The following PTPRD variants were observed in gnomAD, a reference collection of about 807,000 sequenced individuals.
The protein encoded by PTPRD is receptor-type tyrosine-protein phosphatase delta.
In PTPRD, 34 loss-of-function variants were observed where a neutral mutation model predicts 214.5. That is an observed-to-expected ratio of 0.16 (90% CI 0.12 to 0.21). PTPRD has a LOEUF of 0.21. PTPRD is among the 10% of genes least tolerant of loss of function. The probability of loss-of-function intolerance (pLI) is 1.00; values close to 1 mark genes in which losing one functional copy is unlikely to be tolerated. For synonymous variants in PTPRD, 1,128 were observed against 845.7 expected (o/e 1.33, Z -5.79); for missense variants, 2,545 against 2,398.7 (o/e 1.06, Z -1.27).
intron 11 of PTPRD, among the ~76,000 whole-genome samples, chr9:8,755,992 A>G (rs2093959926): frequency 6.6e-6 from 1 of 152,240 alleles, no homozygotes; most frequent in Admixed American, 6.5e-5. Context: ...GATAAACATT[A>G]GTATGTGTGT....
rs548283325 is a variant in PTPRD, at chr9:10,513,534, T to C, written c.-600+98864A>G. On this transcript the variant is annotated intron_variant, in intron 2 of 45. Transcript: ENST00000381196. ...AGGAAATAAGGAACAGGTAGATAAG[T>C]TAGTCATTAGAGCTGGTTACCAAAT... is the stretch of plus-strand genomic sequence containing the variant. 2.0e-5 allele frequency among the ~76,000 whole-genome samples: 3 copies of C among 152,238 alleles called. No individual in the cohort carries two copies. The East Asian group carries it at 5.8e-4, about 29-fold the overall frequency.
chr9:8,559,066 T>C (rs973267885), intron 14 of PTPRD, among the ~76,000 whole-genome samples: 2 of 152,180 alleles, frequency 1.3e-5, no homozygotes, highest in African/African-American at 4.8e-5. Context: ...TTCTATCTCT[T>C]TTATGCCAAA....
intron 2 of PTPRD, among the ~76,000 whole-genome samples, chr9:10,512,308 G>A (rs191451548): frequency 3.9e-5 from 6 of 152,092 alleles, no homozygotes; most frequent in Admixed American, 3.3e-4. Context: ...GTGTGACTAT[G>A]TGAGTAGAAG....
chr9:8,393,456 C>T (rs779181942), intron 36 of PTPRD, among the ~76,000 whole-genome samples: 7 of 151,964 alleles, frequency 4.6e-5, no homozygotes, highest in South Asian at 2.1e-4. Flanking sequence ...TTTTGGTTGG[C>T]GAAGGAGCTA....
chr9:10,598,221 G>T (rs7357685), intron 2 of PTPRD, among the ~76,000 whole-genome samples: 8 of 151,594 alleles, frequency 5.3e-5, no homozygotes, highest in Non-Finnish European at 8.8e-5. Context: ...ATATTACTCC[G>T]AACTTGAACA....
intron 14 of PTPRD, among the ~76,000 whole-genome samples, chr9:8,598,141 A>G (rs181612679): frequency 6.6e-6 from 1 of 152,156 alleles, no homozygotes; most frequent in Non-Finnish European, 1.5e-5. Flanking sequence ...CTGGATCATG[A>G]TTAGACTTTC....
At chr9:8,982,383 G>C (rs1384655830) in intron 11 of PTPRD, among the ~76,000 whole-genome samples, 2 of 151,848 alleles carry the variant, frequency 1.3e-5, no homozygotes, top group African/African-American at 2.4e-5. Flanking sequence ...CATAAGGGAA[G>C]TCTTTCTCTC....
chr9:9,550,935 T>C (rs963348738), intron 8 of PTPRD, among the ~76,000 whole-genome samples: 2 of 151,940 alleles, frequency 1.3e-5, no homozygotes, highest in Admixed American at 6.6e-5. Flanking sequence ...TAAAAATTAA[T>C]GATATCACCA....
chr9:10,364,991 C>T (rs892056802), intron 2 of PTPRD, among the ~76,000 whole-genome samples: 1 of 152,152 alleles, frequency 6.6e-6, no homozygotes, highest in African/African-American at 2.4e-5. Flanking sequence ...ATATTACCAC[C>T]TGCTCATTAA....
At chr9:9,486,897 T>G (rs181065729) in intron 8 of PTPRD, among the ~76,000 whole-genome samples, 1 of 152,316 alleles carries the variant, frequency 6.6e-6, no homozygotes, top group Non-Finnish European at 1.5e-5. Flanking sequence ...GCCTGCTTTC[T>G]TTTACCAGAC....
intron 10 of PTPRD, among the ~76,000 whole-genome samples, chr9:9,020,813 C>A (rs1339579266): frequency 6.6e-6 from 1 of 152,080 alleles, no homozygotes; most frequent in Non-Finnish European, 1.5e-5. Context: ...AAGCAAAGGT[C>A]ATTGAATGAG....
chr9:9,856,623 A>AC (rs2061604183), intron 5 of PTPRD, among the ~76,000 whole-genome samples: 1 of 144,776 alleles, frequency 6.9e-6, no homozygotes, highest in Non-Finnish European at 1.5e-5. Flanking sequence ...GTTAAAAAAA[A>AC]AGAAGAAAAT....
chr9:9,257,658 G>C (rs561745062), intron 9 of PTPRD, among the ~76,000 whole-genome samples: 2 of 151,768 alleles, frequency 1.3e-5, no homozygotes, highest in Admixed American at 6.6e-5. Context: ...ACGTAATCAG[G>C]CATGATAATG....
At chr9:10,609,929 G>A (rs1444069623) in intron 2 of PTPRD, among the ~76,000 whole-genome samples, 1 of 152,070 alleles carries the variant, frequency 6.6e-6, no homozygotes, top group African/African-American at 2.4e-5. Flanking sequence ...AACAGCAACT[G>A]AAAGCAAATG....
intron 2 of PTPRD, among the ~76,000 whole-genome samples, chr9:10,603,764 T>C (rs761728975): frequency 1.1e-4 from 17 of 151,812 alleles, no homozygotes; most frequent in African/African-American, 2.4e-4. Context: ...AGGCAGTATA[T>C]AAGAGATAAA....
At chr9:9,196,424 T>C (rs1315732481) in intron 9 of PTPRD, among the ~76,000 whole-genome samples, 2 of 152,176 alleles carry the variant, frequency 1.3e-5, no homozygotes, top group Non-Finnish European at 2.9e-5. Flanking sequence ...GATATACCTT[T>C]TAATTTAATG....
At chr9:9,212,944 T>C (rs1236554058) in intron 9 of PTPRD, among the ~76,000 whole-genome samples, 1 of 152,206 alleles carries the variant, frequency 6.6e-6, no homozygotes, top group South Asian at 2.1e-4. Flanking sequence ...ACTTATGGAA[T>C]TAGCCTAGAG....
rs12236648 is a variant in PTPRD at position 9,602,426 on chromosome 9, G to C, written c.-286-27645C>G. Among the ~76,000 whole-genome samples the C allele has an allele frequency of 1.4e-4, 21 of 151,718 alleles. No individual in the cohort carries two copies. In the South Asian group the frequency reaches 1.7e-3, roughly 12 times the overall value. ...ACATTTTCTACAATGTGTTAAGTAC[G>C]TGGTGAAACAATAACCATCAATTCC... On this transcript the variant is annotated intron_variant, in intron 7 of 45. Transcript: ENST00000381196.
chr9:9,934,398 C>T lies in PTPRD; in HGVS notation c.-368+4109G>A, dbSNP rs901066994. Reference sequence around the variant, plus strand: ...ATAAAAAATGATAAAGGGGATATCGCCACCGATCCCACAGAAAGACAAACT... The same window carrying T: ...ATAAAAAATGATAAAGGGGATATCGTCACCGATCCCACAGAAAGACAAACT... On this transcript the variant is annotated intron_variant, in intron 5 of 45. Coordinates refer to ENST00000381196, the MANE Select transcript of PTPRD (RefSeq NM_002839.4). 6.1e-4 allele frequency among the ~76,000 whole-genome samples: 85 copies of T among 139,278 alleles called. 2 individuals are homozygous for T. The highest frequency in any genetic ancestry group is 2.2e-3 in the African/African-American group (79 of 36,450). The allele number at this position is 139,278 out of a possible 152,430, so 91.4% of individuals were successfully genotyped here. A position where few individuals can be genotyped will look rare whatever the true frequency, so the allele number is the denominator to read the frequency against.
Sources: gnomAD v4.1 joint callset for allele counts (sites outside exome capture counted in the v4.1 genomes callset) on GRCh38, gnomAD v4.1.1 for gene constraint, MANE v1.5 for transcripts, NCBI Gene and HGNC (gene_info 2026-07-23, HGNC 2026-07-21) for gene names.